The following TXLNG variants were observed in gnomAD, a reference collection of about 807,000 sequenced individuals.
TXLNG encodes the protein gamma-taxilin.
Under a neutral mutation model 38.8 loss-of-function variants are expected in TXLNG, and 5 were observed. That is an observed-to-expected ratio of 0.13 (90% confidence interval 0.07 to 0.27). The LOEUF is 0.27. TXLNG is among the 10% of genes least tolerant of loss of function. TXLNG has a pLI of 1.00. For missense variants in TXLNG, 393 were observed against 398.2 expected, an observed-to-expected ratio of 0.99 and a Z score of 0.11; for synonymous variants, 182 against 158.2, an observed-to-expected ratio of 1.15 and a Z score of -1.13.
intron 5 of TXLNG, among the ~76,000 whole-genome samples, chrX:16,830,939 C>T (rs947541253): frequency 9.7e-6 from 1 of 103,022 alleles, no homozygotes; most frequent in Non-Finnish European, 2.0e-5. Flanking sequence ...CTCCTGGGCT[C>T]AGGTGATCCC....
At chrX:16,792,372 C>T (rs764044984) in intron 1 of TXLNG, among the ~76,000 whole-genome samples, 2 of 111,717 alleles carry the variant, frequency 1.8e-5, no homozygotes, top group Admixed American at 1.9e-4. Flanking sequence ...CTTAATACCT[C>T]AAGAAATCTG....
chrX:16,829,491 A>G (rs1569270831), intron 4 of TXLNG, 85 bp from the exon 5 acceptor site: 22 of 941,383 alleles, frequency 2.3e-5, no homozygotes, highest in Non-Finnish European at 3.2e-5. Flanking sequence ...GGCAGCAACA[A>G]ATGAACCCAC....
intron 1 of TXLNG, among the ~76,000 whole-genome samples, chrX:16,787,516 A>G (rs1337776170): frequency 9.0e-6 from 1 of 111,503 alleles, no homozygotes; most frequent in Non-Finnish European, 1.9e-5. Context: ...ACTCACGTCA[A>G]GGAGTTTTCA....
At chrX:16,797,922 A>G (rs1383674260) in intron 1 of TXLNG, among the ~76,000 whole-genome samples, 1 of 112,695 alleles carries the variant, frequency 8.9e-6, no homozygotes, top group South Asian at 3.6e-4. Context: ...GCAGATCTCT[A>G]TAATGAATGG....
chrX:16,809,797 T>C (rs1381680881), intron 1 of TXLNG, among the ~76,000 whole-genome samples: 1 of 112,030 alleles, frequency 8.9e-6, no homozygotes, highest in East Asian at 2.8e-4. Flanking sequence ...GAGCAGCATC[T>C]GTATACATAT....
chrX:16,829,598 G>A lies in TXLNG; in HGVS notation c.692G>A (p.Arg231Gln), dbSNP rs1214409974. ...AAGGAGGAAAATATGCAGCAGGCAC[G>A]AGAGGAAGAAGAACGACGTAAAGAA... The part of the protein sequence containing the change: ...TLKEENMQQA[R>Q]EEEERRKEAT... The change falls in exon 5 of 10, where the codon CGA becomes CAA. Residue 231 changes from arginine to glutamine, a missense_variant. Arg to Gln is a conservative substitution (Grantham distance 43, BLOSUM62 1). Transcript: ENST00000380122. 3.3e-6 allele frequency: 4 copies of A among 1,209,264 alleles called. No individual in the cohort carries two copies. The highest frequency in any genetic ancestry group is 1.8e-5 in the African/African-American group (1 of 57,069).
intron 8 of TXLNG, among the ~76,000 whole-genome samples, chrX:16,838,423 G>A (rs1929678321): frequency 8.9e-6 from 1 of 111,923 alleles, no homozygotes; most frequent in Non-Finnish European, 1.9e-5. Context: ...CTCACATAGT[G>A]GTGGAGACCG....
rs1184649657 is a variant in TXLNG, at chrX:16,843,531, C to G, written c.*1765C>G. Reference sequence around the variant, plus strand: ...CTACTAAAATACTAGACTCATTTCCCTGGTGGTGGGGGGGAATGCAGGTAT... The same window carrying G: ...CTACTAAAATACTAGACTCATTTCCGTGGTGGTGGGGGGGAATGCAGGTAT... On this transcript the variant is annotated 3_prime_UTR_variant, in exon 10 of 10. Transcript: ENST00000380122. 1 of 112,238 alleles carries G rather than the reference C, an allele frequency of 8.9e-6. No individual in the cohort carries two copies. The highest frequency in any genetic ancestry group is 3.2e-5 in the African/African-American group (1 of 30,862). 9.2% of individuals were successfully genotyped at this position (112,238 alleles called of 1,213,427 possible).
intron 1 of TXLNG, among the ~76,000 whole-genome samples, chrX:16,787,852 ATT>A (rs778521271): frequency 2.7e-5 from 3 of 112,523 alleles, no homozygotes; most frequent in African/African-American, 9.7e-5. Flanking sequence ...TTCTAATGCA[ATT>A]CATAAACTTC....
rs1348893878 is a variant in TXLNG at position 16,786,529 on chromosome X, C to A, written c.42C>A (p.Gly14=). The change falls in exon 1 of 10, where the codon GGC becomes GGA. Residue 14 remains glycine, a synonymous_variant. Coordinates refer to ENST00000380122, the MANE Select transcript of TXLNG (RefSeq NM_018360.3). ...AGGAGGCAGCGCGGGGAAGAGGCGGCGGCGCCGAAGAGGCGACTGAGGCCG... is the reference window on the plus strand; with the variant it reads ...AGGAGGCAGCGCGGGGAAGAGGCGGAGGCGCCGAAGAGGCGACTGAGGCCG... ...RVEEAARGRG[G]GAEEATEAGR... The A allele has an allele frequency of 3.6e-6, 4 of 1,104,364 alleles. No homozygotes were observed. The highest frequency in any genetic ancestry group is 3.3e-5 in the Admixed American group (1 of 29,926). 91.0% of individuals were successfully genotyped at this position (1,104,364 alleles called of 1,213,427 possible).
chrX:16,797,834 AAGTAACAT>A (rs1312431599), intron 1 of TXLNG, among the ~76,000 whole-genome samples: 18 of 112,881 alleles, frequency 1.6e-4, no homozygotes, highest in African/African-American at 5.5e-4. Context: ...ATGTTAACAT[AAGTAACAT>A]TTTAAAAAAA....
intron 1 of TXLNG, among the ~76,000 whole-genome samples, chrX:16,788,434 T>C (rs771984811): frequency 6.2e-5 from 7 of 112,121 alleles, no homozygotes; most frequent in African/African-American, 2.3e-4. Flanking sequence ...GAGCATCTTT[T>C]TCTTTTTGAT....
intron 3 of TXLNG, among the ~76,000 whole-genome samples, chrX:16,826,800 C>T (rs1365216273): frequency 1.8e-5 from 2 of 110,475 alleles, no homozygotes; most frequent in African/African-American, 3.3e-5. Flanking sequence ...GGTGTGGTGG[C>T]GCATGCCTAT....
At position 16,841,646 on chromosome X, in the gene TXLNG, G is replaced by A; in HGVS notation, c.1467G>A (p.Leu489=). The change falls in exon 10 of 10, where the codon CTG becomes CTA. Residue 489 remains leucine (L), a synonymous_variant. Transcript: ENST00000380122. ...CTGCCCTGGATTCTCACAAGGAGCT[G>A]AACACTTCCTCGAAAAGAGCCCTGG... ...PCTALDSHKE[L]NTSSKRALGA... is the part of the protein sequence containing the mutation. The A allele has an allele frequency of 8.3e-7, 1 of 1,211,689 alleles. No homozygotes were observed.
chrX:16,839,216 C>T (rs940974621), intron 8 of TXLNG: 2 of 111,895 alleles, frequency 1.8e-5, no homozygotes, highest in African/African-American at 3.3e-5. Context: ...ATCAGCCTCA[C>T]GAATTGTGAG....
chrX:16,798,413 C>T (rs952134520), intron 1 of TXLNG, among the ~76,000 whole-genome samples: 5 of 111,159 alleles, frequency 4.5e-5, no homozygotes, highest in African/African-American at 1.6e-4. Context: ...AGGCTTTCTT[C>T]GTATATTTTG....
At chrX:16,837,769 T>C in intron 8 of TXLNG, 84 bp downstream of exon 8, 1 of 730,649 alleles carries the variant, frequency 1.4e-6, no homozygotes, top group Non-Finnish European at 2.0e-6. Context: ...TTGCTGAGTT[T>C]CCTTTGTTAT....
intron 1 of TXLNG, among the ~76,000 whole-genome samples, chrX:16,807,894 A>T (rs764907546): frequency 7.1e-4 from 78 of 110,229 alleles, no homozygotes; most frequent in African/African-American, 2.1e-3. Context: ...AAACCTAAAA[A>T]TTTTTTTTTC....
chrX:16,820,065 T>A (rs1465896417), intron 2 of TXLNG, 99 bp from the exon 3 acceptor site: 1 of 608,281 alleles, frequency 1.6e-6, no homozygotes, highest in East Asian at 3.5e-5. Context: ...GTAAATTAGT[T>A]TACTCTGGAT....
Sources: allele counts gnomAD v4.1 joint callset (sites outside exome capture counted in the v4.1 genomes callset), GRCh38; gene constraint gnomAD v4.1.1; transcripts MANE v1.5; gene names NCBI Gene and HGNC (gene_info 2026-07-23, HGNC 2026-07-21).